PBX3: variants seen among roughly 807,000 people sequenced by gnomAD.
PBX3 encodes PBX homeobox 3.
In PBX3, 14 loss-of-function variants were observed where a neutral mutation model predicts 48.5. That is an observed-to-expected ratio of 0.29 (90% CI 0.19 to 0.45). The LOEUF is 0.45. Ranked by LOEUF, PBX3 falls within the 20% of genes least tolerant of loss-of-function variation. The pLI is 1.00. For missense variants in PBX3, 386 were observed against 546.7 expected (o/e 0.71, Z 2.93); for synonymous variants, 210 against 200.3 (o/e 1.05, Z -0.41).
At chr9:125,965,425 A>G (rs10987061) in intron 8 of PBX3, among the ~76,000 whole-genome samples, 3,098 of 152,278 alleles carry the variant, frequency 0.02, 180 homozygotes, top group East Asian at 0.17. Flanking sequence ...CTGCTTCTCT[A>G]TGGAAATGAT....
chr9:125,812,732 A>G (rs1024861732), intron 2 of PBX3, among the ~76,000 whole-genome samples: 21 of 152,380 alleles, frequency 1.4e-4, no homozygotes, highest in African/African-American at 5.0e-4. Flanking sequence ...CTTAAATGAT[A>G]TAGCCTTCTG....
At chr9:125,879,238 C>T (rs1417917105) in intron 2 of PBX3, among the ~76,000 whole-genome samples, 17 of 151,886 alleles carry the variant, frequency 1.1e-4, no homozygotes, top group African/African-American at 3.1e-4. Context: ...CCACCACGCC[C>T]GGCTAATTTT....
At chr9:125,837,434 C>A (rs1235441009) in intron 2 of PBX3, among the ~76,000 whole-genome samples, 1 of 150,060 alleles carries the variant, frequency 6.7e-6, no homozygotes, top group Non-Finnish European at 1.5e-5. Context: ...CAGAAGAATA[C>A]ACAAGAAACA....
At chr9:125,843,142 A>G (rs1213619366) in intron 2 of PBX3, among the ~76,000 whole-genome samples, 1 of 151,904 alleles carries the variant, frequency 6.6e-6, no homozygotes, top group African/African-American at 2.4e-5. Context: ...CCACAAACCT[A>G]TTTGGGGAAT....
intron 2 of PBX3, among the ~76,000 whole-genome samples, chr9:125,858,751 GAGT>G (rs1839789673): frequency 6.7e-6 from 1 of 149,544 alleles, no homozygotes; most frequent in Non-Finnish European, 1.5e-5. Context: ...TCAGCCTCCC[GAGT>G]AGCTGAGATT....
rs143460755 is a variant in PBX3 at position 125,798,379 on chromosome 9, A to T, written c.274+49756A>T. 4.4e-3 allele frequency among the ~76,000 whole-genome samples: 664 copies of T among 152,206 alleles called. 4 individuals carry two copies. Among genetic ancestry groups the T allele is most frequent in the African/African-American group, 0.015 (619 of 41,532 alleles). On this transcript the variant is annotated intron_variant, in intron 2 of 8. Transcript: ENST00000373489. Reference sequence around the variant, plus strand: ...TATATTCTAAGCCACAATTGTTACTACTTATACATTTTACTGGCTTTTTCT... The same window carrying T: ...TATATTCTAAGCCACAATTGTTACTTCTTATACATTTTACTGGCTTTTTCT...
At chr9:125,904,062 T>G (rs1174768718) in intron 2 of PBX3, among the ~76,000 whole-genome samples, 1 of 151,812 alleles carries the variant, frequency 6.6e-6, no homozygotes, top group African/African-American at 2.4e-5. Flanking sequence ...AAATGTGAGG[T>G]CTTATTATTA....
At chr9:125,813,667 C>G (rs931409534) in intron 2 of PBX3, among the ~76,000 whole-genome samples, 1 of 152,094 alleles carries the variant, frequency 6.6e-6, no homozygotes, top group African/African-American at 2.4e-5. Context: ...TCCTTATATT[C>G]TGGTATGATA....
chr9:125,914,891 G>A (rs951077216), intron 2 of PBX3, among the ~76,000 whole-genome samples: 9 of 152,208 alleles, frequency 5.9e-5, no homozygotes, highest in African/African-American at 2.2e-4. Flanking sequence ...TTAAACCTAT[G>A]AATTGTCAGC....
At chr9:125,806,543 C>T (rs1336187455) in intron 2 of PBX3, among the ~76,000 whole-genome samples, 2 of 152,130 alleles carry the variant, frequency 1.3e-5, no homozygotes, top group South Asian at 2.1e-4. Context: ...TTGCTTTCTG[C>T]AGGCCTCTTA....
At chr9:125,937,925 T>G (rs1841874916) in intron 5 of PBX3, among the ~76,000 whole-genome samples, 1 of 152,188 alleles carries the variant, frequency 6.6e-6, no homozygotes, top group African/African-American at 2.4e-5. Flanking sequence ...CCTCCCAAAG[T>G]GCTGGGATTA....
chr9:125,769,972 T>G (rs1435291616), intron 2 of PBX3, among the ~76,000 whole-genome samples: 1 of 152,220 alleles, frequency 6.6e-6, no homozygotes, highest in African/African-American at 2.4e-5. Flanking sequence ...TATTTGTTGC[T>G]ATCACATTGG....
chr9:125,909,835 G>A (rs1841162190), intron 2 of PBX3, among the ~76,000 whole-genome samples: 1 of 152,116 alleles, frequency 6.6e-6, no homozygotes, highest in Admixed American at 6.6e-5. Context: ...TACTAATAAT[G>A]TCATTATAGC....
chr9:125,954,978 T>C (rs1015739281), intron 5 of PBX3, among the ~76,000 whole-genome samples: 3 of 152,246 alleles, frequency 2.0e-5, no homozygotes, highest in Non-Finnish European at 4.4e-5. Flanking sequence ...TTTACAACTA[T>C]GTAGACTTAT....
intron 2 of PBX3, among the ~76,000 whole-genome samples, chr9:125,892,935 C>T (rs1157080076): frequency 1.3e-5 from 2 of 150,652 alleles, no homozygotes; most frequent in Non-Finnish European, 2.9e-5. Flanking sequence ...CGCTGTGCTC[C>T]CCTGTGGCTC....
In PBX3 at chr9:125,748,299, C is replaced by T. The variant is rs572378253; in HGVS notation, c.201-251C>T. On this transcript the variant is annotated intron_variant, in intron 1 of 8. Coordinates refer to ENST00000373489, the MANE Select transcript of PBX3 (RefSeq NM_006195.6). ...CGAGGCTCCCCGCGCGGGTTCGCGT[C>T]GCGTCTGCAGTGGCCGAGGCTGCTG... is the stretch of plus-strand genomic sequence containing the variant. 29 of 1,113,518 alleles carry T rather than the reference C, an allele frequency of 2.6e-5. No homozygotes were observed. The East Asian group carries it at 1.0e-3, about 40-fold the overall frequency. The allele number at this position is 1,113,518 out of a possible 1,614,324, so 69.0% of individuals were successfully genotyped here.
At chr9:125,770,511 A>C (rs1836914162) in intron 2 of PBX3, among the ~76,000 whole-genome samples, 1 of 152,192 alleles carries the variant, frequency 6.6e-6, no homozygotes, top group Non-Finnish European at 1.5e-5. Context: ...AGAAGGAAGG[A>C]ATACTATTCA....
intron 2 of PBX3, among the ~76,000 whole-genome samples, chr9:125,753,209 ACAAAGT>A (rs1160662317): frequency 6.6e-6 from 1 of 152,146 alleles, no homozygotes; most frequent in Non-Finnish European, 1.5e-5. Flanking sequence ...CAGGAAAAAT[ACAAAGT>A]CAGAGTATCT....
At chr9:125,874,217 AGAG>A (rs199859993) in intron 2 of PBX3, among the ~76,000 whole-genome samples, 2,725 of 152,316 alleles carry the variant, frequency 0.018, 92 homozygotes, top group African/African-American at 0.061. Flanking sequence ...ATTGCCATAA[AGAG>A]AACATCAGGA....
Sources: gnomAD v4.1 joint callset for allele counts (sites outside exome capture counted in the v4.1 genomes callset) on GRCh38, gnomAD v4.1.1 for gene constraint, MANE v1.5 for transcripts, NCBI Gene and HGNC (gene_info 2026-07-23, HGNC 2026-07-21) for gene names.